The following AP4M1 variants were observed in gnomAD, a reference collection of about 807,000 sequenced individuals.
AP4M1 encodes the protein adaptor related protein complex 4 subunit mu 1, also known as AP-4 complex subunit mu-1.
In AP4M1, 58 loss-of-function variants were observed where a neutral mutation model predicts 62.4. That is an observed-to-expected ratio of 0.93 (90% CI 0.75 to 1.16). The LOEUF is 1.16. AP4M1 is among the 50% of genes most tolerant of loss of function. The pLI, the probability that AP4M1 is intolerant of heterozygous loss-of-function variation, is 0.00. For synonymous variants in AP4M1, 290 were observed against 239.7 expected (o/e 1.21, Z -1.94); for missense variants, 626 against 585.4 (o/e 1.07, Z -0.72).
intron 9 of AP4M1, 69 bp downstream of exon 9, chr7:100,105,167 CAG>C: frequency 6.2e-7 from 1 of 1,611,820 alleles, no homozygotes; most frequent in Non-Finnish European, 8.5e-7. Context: ...AGAAGTCAGA[CAG>C]AGCCTCCCCT....
intron 4 of AP4M1, 157 bp from the exon 5 acceptor site, chr7:100,103,252 C>G: frequency 1.4e-6 from 1 of 730,438 alleles, no homozygotes; most frequent in Non-Finnish European, 2.4e-6. Context: ...CTGTGTTGCC[C>G]AGGCTGGTCT....
chr7:100,103,485 C>T lies in AP4M1; in HGVS notation c.428C>T (p.Pro143Leu), dbSNP rs756660580. 9.9e-6 allele frequency: 16 copies of T among 1,614,056 alleles called. No homozygotes were observed. Among genetic ancestry groups the T allele is most frequent in the Non-Finnish European group, 1.2e-5 (14 of 1,180,038 alleles). ...FIQTEAVVSK[P>L]FSLFDLSSVG... Reference sequence around the variant, plus strand: ...CAGACGGAAGCTGTGGTCAGCAAGCCCTTCAGCCTCTTTGACCTCAGCAGC... The same window carrying T: ...CAGACGGAAGCTGTGGTCAGCAAGCTCTTCAGCCTCTTTGACCTCAGCAGC... The change falls in exon 5 of 15, where the codon CCC becomes CTC. Residue 143 changes from proline (P) to leucine (L), a missense_variant. Transcript: ENST00000359593.
At chr7:100,103,322 AGG>A (rs1796211013) in intron 4 of AP4M1, 85 bp from the exon 5 acceptor site, 1 of 1,157,044 alleles carries the variant, frequency 8.6e-7, no homozygotes, top group Non-Finnish European at 1.3e-6. Flanking sequence ...CTGAGAGTAC[AGG>A]AGTGAGTCAC....
chr7:100,103,354 CCT>C (rs1445486816), intron 4 of AP4M1, 53 bp from the exon 5 acceptor site: 1 of 1,487,640 alleles, frequency 6.7e-7, no homozygotes, highest in African/African-American at 1.4e-5. Context: ...CCCCACTCCC[CCT>C]CTTTACCCCT....
At position 100,103,061 on chromosome 7, in the gene AP4M1, C is replaced by CT. The variant is rs55764736; in HGVS notation, c.351+122dup. The CT allele has an allele frequency of 0.034, 17,802 of 525,882 alleles. 448 individuals carry two copies. Among genetic ancestry groups the CT allele is most frequent in the African/African-American group, 0.13 (5,001 of 37,744 alleles). The allele number at this position is 525,882 out of a possible 1,614,324, so 32.6% of individuals were successfully genotyped here. A position where few individuals can be genotyped will look rare whatever the true frequency, so the allele number is the denominator to read the frequency against. On this transcript the variant is annotated intron_variant, in intron 4 of 14. Coordinates refer to ENST00000359593, the MANE Select transcript of AP4M1 (RefSeq NM_004722.4). ...GCCGTGGTTAGGAGGCCAAGTCTAC[C>CT]TTTTTTTTTTTTTTTTTTTTTGCTT...
At position 100,107,851 on chromosome 7, in the gene AP4M1, ACTC is replaced by A; in HGVS notation, c.*972_*974del. The stretch of plus-strand genomic sequence containing the variant: ...TGGGGCCCAGAGGGGACTGTGCTCT[ACTC>A]CTGGGCCTCCCCAGGGTGCTCTGAG... On this transcript the variant is annotated 3_prime_UTR_variant, in exon 15 of 15. Transcript: ENST00000359593. The A allele has an allele frequency of 6.6e-7, 1 of 1,516,056 alleles. No individual in the cohort carries two copies. Among genetic ancestry groups the A allele is most frequent in the Non-Finnish European group, 8.9e-7 (1 of 1,122,646 alleles). 93.9% of individuals were successfully genotyped at this position (1,516,056 alleles called of 1,614,324 possible).
rs770925332 is a variant in AP4M1 at position 100,107,634 on chromosome 7, A to G, written c.*752A>G. On this transcript the variant is annotated 3_prime_UTR_variant, in exon 15 of 15. Coordinates refer to ENST00000359593, the MANE Select transcript of AP4M1 (RefSeq NM_004722.4). ...GCTGAGGGACAGGACCTGGATAGAA[A>G]GGAAAGGCAGGCCGCTTGCCCTGTG... is the stretch of plus-strand genomic sequence containing the variant. 25 of 1,608,908 alleles carry G rather than the reference A, an allele frequency of 1.6e-5. No individual in the cohort carries two copies. Among genetic ancestry groups the G allele is most frequent in the Admixed American group, 6.8e-5 (4 of 58,776 alleles).
chr7:100,103,382 C>T, intron 4 of AP4M1, 27 bp from the exon 5 acceptor site: 1 of 1,596,852 alleles, frequency 6.3e-7, no homozygotes, highest in Non-Finnish European at 8.6e-7. Flanking sequence ...CCACTGATCA[C>T]TCAGACTGTC....
intron 6 of AP4M1, among the ~76,000 whole-genome samples, 195 bp downstream of exon 6, chr7:100,103,887 C>CAAAAAAAAAAA (rs10671291): frequency 2.6e-4 from 24 of 91,976 alleles, no homozygotes; most frequent in East Asian, 6.3e-4. Flanking sequence ...ACTAAAAATG[C>CAAAAAAAAAAA]AAAAAAAAAA....
chr7:100,101,827 C>T (rs1158421591), intron 1 of AP4M1, 53 bp from the exon 2 acceptor site: 1 of 1,611,236 alleles, frequency 6.2e-7, no homozygotes, highest in Non-Finnish European at 8.5e-7. Context: ...GGGAGGGGCG[C>T]CCAGGGCCAG....
rs376394639 is a variant in AP4M1 at position 100,107,549 on chromosome 7, G to A, written c.*667G>A. ...AGACCAACTTGACGATGGGCTGCAC[G>A]CTGGGGACGGTGGTGGTGACGGGCG... On this transcript the variant is annotated 3_prime_UTR_variant, in exon 15 of 15. Coordinates refer to ENST00000359593, the MANE Select transcript of AP4M1 (RefSeq NM_004722.4). The A allele has an allele frequency of 3.5e-5, 56 of 1,613,962 alleles. No individual in the cohort carries two copies. Among genetic ancestry groups the A allele is most frequent in the Middle Eastern group, 1.6e-4 (1 of 6,078 alleles).
rs1243805008 is a variant in AP4M1, at chr7:100,109,022, GAAA to G, written c.*2152_*2154del. 4 of 131,598 alleles carry G rather than the reference GAAA, an allele frequency of 3.0e-5. No individual in the cohort carries two copies. Among genetic ancestry groups the G allele is most frequent in the East Asian group, 4.3e-4 (2 of 4,660 alleles). 8.2% of individuals were successfully genotyped at this position (131,598 alleles called of 1,614,324 possible). A position where few individuals can be genotyped will look rare whatever the true frequency, so the allele number is the denominator to read the frequency against. On this transcript the variant is annotated 3_prime_UTR_variant, in exon 15 of 15. Transcript: ENST00000359593. ...TGGGTGACAGAGTGAGACTGTCTCA[GAAA>G]AAAAAAAAAAAGAATGGCTGGGTGT...
Position 100,108,157 on chromosome 7 carries a change from C to T in AP4M1, c.*1275C>T, listed in dbSNP as rs1398202201. The T allele has an allele frequency of 2.4e-5, 37 of 1,563,250 alleles. No homozygotes were observed. Among genetic ancestry groups the T allele is most frequent in the Non-Finnish European group, 3.1e-5 (36 of 1,158,558 alleles). ...AGAAGAGGAAAGGGGGAAGTGGCAC[C>T]ATCTACTAAGAAGAGGAGTCTGAAG... is the stretch of plus-strand genomic sequence containing the variant. On this transcript the variant is annotated 3_prime_UTR_variant, in exon 15 of 15. Coordinates refer to ENST00000359593, the MANE Select transcript of AP4M1 (RefSeq NM_004722.4).
chr7:100,103,114 C>G (rs1423260649), intron 4 of AP4M1, 154 bp downstream of exon 4: 1 of 721,722 alleles, frequency 1.4e-6, no homozygotes, highest in African/African-American at 1.8e-5. Context: ...CTCTGTTGCC[C>G]AGGCTGGACT....
intron 6 of AP4M1, 80 bp downstream of exon 6, chr7:100,103,772 C>T (rs572792998): frequency 2.3e-5 from 33 of 1,460,766 alleles, no homozygotes; most frequent in Admixed American, 3.4e-5. Context: ...TCGGGCACAG[C>T]GGCTCACGCC....
chr7:100,106,600 T>C, intron 14 of AP4M1, 58 bp from the exon 15 acceptor site: 1 of 1,484,362 alleles, frequency 6.7e-7, no homozygotes, highest in African/African-American at 1.4e-5. Flanking sequence ...GCTGCCTGGT[T>C]CCCCCAGCGT....
Position 100,108,204 on chromosome 7 carries a change from G to C in AP4M1, c.*1322G>C. The C allele has an allele frequency of 6.8e-7, 1 of 1,474,238 alleles. No individual in the cohort carries two copies. Among genetic ancestry groups the C allele is most frequent in the Non-Finnish European group, 9.1e-7 (1 of 1,104,194 alleles). The allele number at this position is 1,474,238 out of a possible 1,614,324, so 91.3% of individuals were successfully genotyped here. On this transcript the variant is annotated 3_prime_UTR_variant, in exon 15 of 15. Coordinates refer to ENST00000359593, the MANE Select transcript of AP4M1 (RefSeq NM_004722.4). The stretch of plus-strand genomic sequence containing the variant: ...GAAGGGAGAGGCCTGGGCTCCCCTC[G>C]CTCTTCCTCAGTGGCTCTCACTAGG...
Position 100,103,678 on chromosome 7 carries a change from A to C in AP4M1, c.529A>C (p.Ser177Arg). 6.2e-7 allele frequency: 1 copy of C among 1,612,646 alleles called. No homozygotes were observed. The highest frequency in any genetic ancestry group is 1.1e-5 in the South Asian group (1 of 91,022). Residue 177 changes from serine (S) to arginine (R), a missense_variant, in exon 6 of 15, where the codon AGT becomes CGT. Physicochemically the swap from Ser to Arg is moderately radical, Grantham distance 110. Transcript: ENST00000359593. ...SSAASRPVLS[S>R]RSDQSQKNEV... ...TGCAGCCAGCCGCCCCGTCCTGTCC[A>C]GTCGCTCTGACCAGGTGAGGGAAGG...
Position 100,102,848 on chromosome 7 carries a change from C to G in AP4M1, c.255-16C>G. On this transcript the variant is annotated splice_polypyrimidine_tract_variant and intron_variant, in intron 3 of 14. Transcript: ENST00000359593. ...CTGAGAGGAGGAGAAAATACACGCT[C>G]CAAGTGTTTCCTCAGGTTGGCCACC... 6 of 1,613,944 alleles carry G rather than the reference C, an allele frequency of 3.7e-6. No individual in the cohort carries two copies. Among genetic ancestry groups the G allele is most frequent in the South Asian group, 1.1e-5 (1 of 91,076 alleles).
Sources: gnomAD v4.1 joint callset for allele counts (sites outside exome capture counted in the v4.1 genomes callset) on GRCh38, gnomAD v4.1.1 for gene constraint, MANE v1.5 for transcripts, NCBI Gene and HGNC (gene_info 2026-07-23, HGNC 2026-07-21) for gene names.